Variants in CDK14 observed in about 807,000 individuals in gnomAD.
The protein encoded by CDK14 is cyclin-dependent kinase 14.
Under a neutral mutation model 60.7 loss-of-function variants are expected in CDK14, and 34 were observed. The ratio of observed to expected loss-of-function variants is 0.56; its 90% CI spans 0.43 to 0.75. CDK14 has a LOEUF of 0.75. Ranked by LOEUF, CDK14 falls within the 30% of genes least tolerant of loss-of-function variation. The probability of loss-of-function intolerance (pLI) is 0.00; values close to 1 mark genes in which losing one functional copy is unlikely to be tolerated. For synonymous variants in CDK14, 197 were observed against 203.7 expected, an observed-to-expected ratio of 0.97 and a Z score of 0.28; for missense variants, 482 against 564.1, an observed-to-expected ratio of 0.85 and a Z score of 1.47.
chr7:90,672,700 G>T (rs1023501), intron 2 of CDK14, among the ~76,000 whole-genome samples: 110,076 of 151,270 alleles, frequency 0.73, 40,073 homozygotes, highest in East Asian at 0.81. Flanking sequence ...TTTATTTTTA[G>T]TTTTGTAGAG....
At chr7:90,745,213 A>G (rs1445025160) in intron 3 of CDK14, among the ~76,000 whole-genome samples, 1 of 152,042 alleles carries the variant, frequency 6.6e-6, no homozygotes, top group Non-Finnish European at 1.5e-5. Flanking sequence ...CTTTTCCCCC[A>G]TCACTCCAAC....
At chr7:90,864,099 A>T (rs75861280) in intron 6 of CDK14, among the ~76,000 whole-genome samples, 19,278 of 152,020 alleles carry the variant, frequency 0.13, 1,471 homozygotes, top group Middle Eastern at 0.26. Flanking sequence ...ACTACTTTTT[A>T]AAAAATTTGA....
chr7:90,917,832 G>A, intron 8 of CDK14, 108 bp downstream of exon 8: 1 of 1,097,836 alleles, frequency 9.1e-7, no homozygotes, highest in Non-Finnish European at 1.3e-6. Context: ...CATAGATCCT[G>A]GTAATTTTTT....
chr7:91,130,209 C>A (rs1461321435), intron 14 of CDK14, among the ~76,000 whole-genome samples: 1 of 152,100 alleles, frequency 6.6e-6, no homozygotes, highest in Non-Finnish European at 1.5e-5. Context: ...TATTTGTGAA[C>A]CCAACTCTCT....
intron 14 of CDK14, among the ~76,000 whole-genome samples, chr7:91,163,704 T>C (rs1025573753): frequency 1.3e-5 from 2 of 152,134 alleles, no homozygotes; most frequent in Non-Finnish European, 2.9e-5. Context: ...TCAAAACTTA[T>C]TTCTCTTGTC....
chr7:90,720,062 C>T (rs576426201), intron 2 of CDK14, among the ~76,000 whole-genome samples: 10 of 152,152 alleles, frequency 6.6e-5, no homozygotes, highest in African/African-American at 2.4e-4. Context: ...CTGGACTCTT[C>T]AAGAGGAGAT....
chr7:91,153,450 A>G (rs1229770666), intron 14 of CDK14, among the ~76,000 whole-genome samples: 3 of 152,168 alleles, frequency 2.0e-5, no homozygotes, highest in African/African-American at 4.8e-5. Flanking sequence ...TTGCAGCATT[A>G]CTCACATTAG....
chr7:90,942,587 A>G (rs1562837988), intron 8 of CDK14, among the ~76,000 whole-genome samples: 1 of 152,180 alleles, frequency 6.6e-6, no homozygotes, highest in African/African-American at 2.4e-5. Context: ...CTTTCAGCAC[A>G]CACCCTTTCT....
Position 90,899,322 on chromosome 7 carries a change from A to G in CDK14, c.671A>G (p.His224Arg). 1 of 1,603,208 alleles carries G rather than the reference A, an allele frequency of 6.2e-7. No homozygotes were observed. Among genetic ancestry groups the G allele is most frequent in the African/African-American group, 1.3e-5 (1 of 74,250 alleles). The change falls in exon 7 of 15, where the codon CAC (histidine) becomes CGC (arginine). Residue 224 changes from histidine (H) to arginine (R), a missense_variant. Transcript: ENST00000380050. ...GATTTATGTCAGTACATGGACAAGC[A>G]CCCTGGGGGGCTGCATCCAGATAAT... ...HTDLCQYMDK[H>R]PGGLHPDNVK...
At chr7:90,863,324 A>C (rs73222758) in intron 6 of CDK14, 55 bp downstream of exon 6, 173,219 of 1,050,970 alleles carry the variant, frequency 0.16, 16,154 homozygotes, top group Middle Eastern at 0.22. Flanking sequence ...TGAAATTCTT[A>C]TAGTGTTGTC....
chr7:91,019,015 A>G (rs974201817), intron 10 of CDK14, among the ~76,000 whole-genome samples: 8 of 152,122 alleles, frequency 5.3e-5, no homozygotes, highest in African/African-American at 1.9e-4. Context: ...ATTAGGTTTT[A>G]GCCTGTGAAT....
At chr7:90,666,030 G>A (rs1231277960) in intron 2 of CDK14, among the ~76,000 whole-genome samples, 1 of 152,148 alleles carries the variant, frequency 6.6e-6, no homozygotes, top group Non-Finnish European at 1.5e-5. Context: ...GCCCAGCAGA[G>A]TTCCCTGCCT....
chr7:91,175,582 C>T (rs906222818), intron 14 of CDK14, among the ~76,000 whole-genome samples: 2 of 151,900 alleles, frequency 1.3e-5, no homozygotes, highest in Non-Finnish European at 2.9e-5. Context: ...TGCAGAGACA[C>T]ACATAGGCTC....
In CDK14 at chr7:90,932,153, TGG is replaced by T. The variant is rs1258006575; in HGVS notation, c.826+14430_826+14431del. Among the ~76,000 whole-genome samples the T allele has an allele frequency of 5.9e-5, 9 of 152,320 alleles. No homozygotes were observed. In the South Asian group the frequency reaches 1.7e-3, roughly 28 times the overall value. On this transcript the variant is annotated intron_variant, in intron 8 of 14. Transcript: ENST00000380050. The stretch of plus-strand genomic sequence containing the variant: ...GCCTCCTGTCTGAGGCATTCACAGC[TGG>T]CTTTGGATTTCTGTGTCTCCTAAAG...
chr7:90,787,235 T>A (rs1455975988), intron 4 of CDK14, among the ~76,000 whole-genome samples: 2 of 152,212 alleles, frequency 1.3e-5, no homozygotes, highest in African/African-American at 4.8e-5. Context: ...TTAGTGGTCT[T>A]TGCTCAGATT....
chr7:91,142,679 A>C (rs545171675), intron 14 of CDK14, among the ~76,000 whole-genome samples: 1 of 152,344 alleles, frequency 6.6e-6, no homozygotes, highest in East Asian at 1.9e-4. Flanking sequence ...TTCCAAGGGA[A>C]TCATAAAGCT....
At chr7:90,788,742 G>T (rs2116960106) in intron 4 of CDK14, among the ~76,000 whole-genome samples, 1 of 152,272 alleles carries the variant, frequency 6.6e-6, no homozygotes, top group South Asian at 2.1e-4. Context: ...ATAGATGTAG[G>T]TTTAAAAAAG....
At position 91,120,506 on chromosome 7, in the gene CDK14, C is replaced by T. The variant is rs371138458; in HGVS notation, c.*28+2298C>T. Among the ~76,000 whole-genome samples the T allele has an allele frequency of 3.6e-4, 55 of 151,016 alleles. No individual in the cohort carries two copies. In the East Asian group the frequency reaches 3.9e-3, roughly 11 times the overall value. On this transcript the variant is annotated intron_variant, in intron 14 of 14. Transcript: ENST00000380050. ...AGCAATACAAATATTTTTTCTATGACGTTTGCCTTTTTCACATCAACTTGT... is the reference window on the plus strand; with the variant it reads ...AGCAATACAAATATTTTTTCTATGATGTTTGCCTTTTTCACATCAACTTGT...
chr7:91,011,264 T>G (rs1796151327), intron 10 of CDK14, among the ~76,000 whole-genome samples: 1 of 152,062 alleles, frequency 6.6e-6, no homozygotes, highest in African/African-American at 2.4e-5. Flanking sequence ...GGTGAGTTAC[T>G]TAATAAATAG....
Sources: allele counts gnomAD v4.1 joint callset (sites outside exome capture counted in the v4.1 genomes callset), GRCh38; gene constraint gnomAD v4.1.1; transcripts MANE v1.5; gene names NCBI Gene and HGNC (gene_info 2026-07-23, HGNC 2026-07-21).